ZFP91: variants seen among roughly 807,000 people sequenced by gnomAD.
ZFP91 encodes the protein E3 ubiquitin-protein ligase ZFP91.
ZFP91 carries 7 observed loss-of-function variants against 63.5 expected under a neutral mutation model. The ratio of observed to expected loss-of-function variants is 0.11; its 90% CI spans 0.06 to 0.21. ZFP91 has a LOEUF of 0.21. Among genes scored for constraint, ZFP91 ranks in the 10% least tolerant of loss-of-function variants. The pLI is 1.00. For missense variants in ZFP91, 628 were observed against 736.6 expected (o/e 0.85, Z 1.71); for synonymous variants, 330 against 272.1 (o/e 1.21, Z -2.10).
chr11:58,587,783 T>A (rs1855236342), intron 2 of ZFP91, among the ~76,000 whole-genome samples: 1 of 152,068 alleles, frequency 6.6e-6, no homozygotes, highest in African/African-American at 2.4e-5. Flanking sequence ...GAAGCCTAAT[T>A]TTTTTTTCTC....
intron 2 of ZFP91, among the ~76,000 whole-genome samples, chr11:58,590,360 C>T (rs1305055802): frequency 6.6e-6 from 1 of 152,208 alleles, no homozygotes; most frequent in East Asian, 1.9e-4. Flanking sequence ...AATTTAGTGG[C>T]TTAAAACACA....
intron 1 of ZFP91, 103 bp downstream of exon 1, chr11:58,579,725 G>GC (rs2134382252): frequency 8.7e-7 from 1 of 1,150,242 alleles, no homozygotes; most frequent in Non-Finnish European, 1.2e-6. Flanking sequence ...TGCCTGGTCT[G>GC]CCCCCTGCCG....
chr11:58,615,996 A>G (rs980907918), intron 9 of ZFP91, among the ~76,000 whole-genome samples: 7 of 152,198 alleles, frequency 4.6e-5, no homozygotes, highest in African/African-American at 1.7e-4. Flanking sequence ...AATAAGTACA[A>G]TGCTCCTTTT....
chr11:58,616,433 A>G (rs1855749827), intron 9 of ZFP91, among the ~76,000 whole-genome samples: 1 of 152,080 alleles, frequency 6.6e-6, no homozygotes, highest in Non-Finnish European at 1.5e-5. Context: ...CAAGACCTGG[A>G]TTAGTGGTAA....
intron 2 of ZFP91, among the ~76,000 whole-genome samples, chr11:58,589,655 C>CCAAAT (rs1459251102): frequency 1.3e-5 from 2 of 152,134 alleles, no homozygotes; most frequent in Non-Finnish European, 2.9e-5. Flanking sequence ...TTTTGTTTGT[C>CCAAAT]CTTCCTTCCT....
intron 1 of ZFP91, among the ~76,000 whole-genome samples, chr11:58,583,359 T>G (rs896584038): frequency 6.6e-6 from 1 of 152,138 alleles, no homozygotes; most frequent in Non-Finnish European, 1.5e-5. Flanking sequence ...TTAAGGAAAG[T>G]AGTTTTATTT....
chr11:58,593,942 T>G (rs7112901), intron 2 of ZFP91, among the ~76,000 whole-genome samples: 1 of 152,216 alleles, frequency 6.6e-6, no homozygotes, highest in African/African-American at 2.4e-5. Context: ...TCTAATTCTT[T>G]CCATATTCAG....
rs1333601228 is a variant in ZFP91, at chr11:58,579,338, A to AGAGGCGGCC, written c.58_66dup (p.Glu20_Ala22dup). ...CGGAGCAGCAGGACCAGGAAGGGGG[A>AGAGGCGGCC]GAGGCGGCCAAGGCGGCTCCGGAGG... On this transcript the variant is annotated inframe_insertion, in exon 1 of 11. Transcript: ENST00000316059. 46 of 1,493,876 alleles carry AGAGGCGGCC rather than the reference A, an allele frequency of 3.1e-5. No homozygotes were observed. The highest frequency in any genetic ancestry group is 3.9e-5 in the Non-Finnish European group (44 of 1,126,334). 92.5% of individuals were successfully genotyped at this position (1,493,876 alleles called of 1,614,324 possible).
At chr11:58,616,124 G>C (rs1855744716) in intron 9 of ZFP91, among the ~76,000 whole-genome samples, 1 of 152,204 alleles carries the variant, frequency 6.6e-6, no homozygotes, top group African/African-American at 2.4e-5. Context: ...ATGGGTAGGA[G>C]AATAAGGTAA....
intron 1 of ZFP91, among the ~76,000 whole-genome samples, chr11:58,580,093 C>T (rs202211716): frequency 6.9e-6 from 1 of 144,404 alleles, no homozygotes; most frequent in South Asian, 2.2e-4. Flanking sequence ...GTTTATGTAG[C>T]TTTTTTTTTT....
rs938383073 is a variant in ZFP91 at position 58,620,551 on chromosome 11, C to T, written c.*2845C>T. On this transcript the variant is annotated 3_prime_UTR_variant, in exon 11 of 11. Coordinates refer to ENST00000316059, the MANE Select transcript of ZFP91 (RefSeq NM_053023.5). The stretch of plus-strand genomic sequence containing the variant: ...TGCGTAACTGAGACTCCTTGATATG[C>T]TTCAGAGAATTTAGGCAAACACTGG... 1 of 152,592 alleles carries T rather than the reference C, an allele frequency of 6.6e-6. No homozygotes were observed. Among genetic ancestry groups the T allele is most frequent in the Non-Finnish European group, 1.5e-5 (1 of 68,028 alleles). 9.5% of individuals were successfully genotyped at this position (152,592 alleles called of 1,614,324 possible).
intron 2 of ZFP91, among the ~76,000 whole-genome samples, chr11:58,602,097 AT>A (rs1855500013): frequency 6.6e-6 from 1 of 151,988 alleles, no homozygotes; most frequent in Non-Finnish European, 1.5e-5. Context: ...TAATTTTTGT[AT>A]TCTTAGTAGA....
chr11:58,598,757 TG>T (rs1855445542), intron 2 of ZFP91, among the ~76,000 whole-genome samples: 1 of 147,764 alleles, frequency 6.8e-6, no homozygotes, highest in Non-Finnish European at 1.5e-5. Context: ...CACGTGTGTG[TG>T]TGTGTGTGTG....
intron 1 of ZFP91, among the ~76,000 whole-genome samples, chr11:58,579,834 T>G (rs1407914833): frequency 2.0e-5 from 3 of 152,042 alleles, no homozygotes; most frequent in Non-Finnish European, 4.4e-5. Flanking sequence ...TGTCGGGCCG[T>G]TTCCCCACTC....
intron 2 of ZFP91, among the ~76,000 whole-genome samples, chr11:58,592,320 C>G (rs1196922326): frequency 6.6e-6 from 1 of 152,016 alleles, no homozygotes; most frequent in Non-Finnish European, 1.5e-5. Flanking sequence ...CTCCTGACCT[C>G]AGATGATCTC....
intron 2 of ZFP91, among the ~76,000 whole-genome samples, chr11:58,608,817 C>T (rs1710829462): frequency 6.6e-6 from 1 of 152,096 alleles, no homozygotes; most frequent in Non-Finnish European, 1.5e-5. Flanking sequence ...GTTGGCCAGG[C>T]TGGTCACAAA....
intron 2 of ZFP91, among the ~76,000 whole-genome samples, chr11:58,605,636 A>G (rs903139652): frequency 2.0e-5 from 3 of 151,478 alleles, no homozygotes; most frequent in Admixed American, 6.6e-5. Context: ...AGCGGCTGTT[A>G]ATCTTGTTGA....
chr11:58,593,519 G>C (rs1356119395), intron 2 of ZFP91, among the ~76,000 whole-genome samples: 1 of 152,120 alleles, frequency 6.6e-6, no homozygotes, highest in African/African-American at 2.4e-5. Context: ...AACTGCTGCT[G>C]GAAGAGAGAA....
Position 58,587,308 on chromosome 11 carries a change from G to A in ZFP91, c.370+2424G>A, listed in dbSNP as rs778496025. Among the ~76,000 whole-genome samples, 6 of 152,234 alleles carry A rather than the reference G, an allele frequency of 3.9e-5. No individual in the cohort carries two copies. In the South Asian group the frequency reaches 8.3e-4, roughly 21 times the overall value. On this transcript the variant is annotated intron_variant, in intron 2 of 10. Transcript: ENST00000316059. ...GTGTCTGGCGCTATTCTAGGCACTG[G>A]ATTCTACTGGTAATCAAATAAATGA...
Sources: gnomAD v4.1 joint callset for allele counts (sites outside exome capture counted in the v4.1 genomes callset) on GRCh38, gnomAD v4.1.1 for gene constraint, MANE v1.5 for transcripts, NCBI Gene and HGNC (gene_info 2026-07-23, HGNC 2026-07-21) for gene names.